GPAT3: variants seen among roughly 807,000 people sequenced by gnomAD.
GPAT3 encodes the protein glycerol-3-phosphate acyltransferase 3, also known as 1-AGP acyltransferase 9.
In GPAT3, 53 loss-of-function variants were observed where a neutral mutation model predicts 58.8. The ratio of observed to expected loss-of-function variants is 0.90; its 90% CI spans 0.72 to 1.13. The LOEUF (loss-of-function observed/expected upper bound fraction) is 1.13, where lower values mean the gene tolerates loss of function less well. Among genes scored for constraint, GPAT3 ranks in the 50% most tolerant of loss-of-function variants. The probability of loss-of-function intolerance (pLI) is 0.00; values close to 1 mark genes in which losing one functional copy is unlikely to be tolerated. For synonymous variants in GPAT3, 197 were observed against 187.4 expected, an observed-to-expected ratio of 1.05 and a Z score of -0.42; for missense variants, 511 against 527.6, an observed-to-expected ratio of 0.97 and a Z score of 0.31.
At chr4:83,559,138 G>T (rs552860742) in intron 2 of GPAT3, among the ~76,000 whole-genome samples, 1 of 152,114 alleles carries the variant, frequency 6.6e-6, no homozygotes, top group South Asian at 2.1e-4. Flanking sequence ...TTTTGGGAGA[G>T]GTATAAGTTA....
intron 7 of GPAT3, among the ~76,000 whole-genome samples, chr4:83,596,063 A>G (rs1457642992): frequency 6.6e-6 from 1 of 152,248 alleles, no homozygotes; most frequent in Non-Finnish European, 1.5e-5. Context: ...AGGACAGGAC[A>G]TAAGCCTGGA....
intron 2 of GPAT3, among the ~76,000 whole-genome samples, chr4:83,570,060 T>C (rs1465006561): frequency 6.6e-6 from 1 of 152,214 alleles, no homozygotes; most frequent in African/African-American, 2.4e-5. Context: ...TGGTGTTGTA[T>C]TGACGAGAAA....
chr4:83,578,262 T>C (rs1403766775), intron 2 of GPAT3, among the ~76,000 whole-genome samples: 1 of 152,240 alleles, frequency 6.6e-6, no homozygotes, highest in Admixed American at 6.5e-5. Flanking sequence ...TTGTATGTCT[T>C]AATATATTCT....
chr4:83,550,655 A>G (rs1398079184), intron 2 of GPAT3, among the ~76,000 whole-genome samples: 1 of 152,218 alleles, frequency 6.6e-6, no homozygotes, highest in Non-Finnish European at 1.5e-5. Flanking sequence ...TAATTTCTTA[A>G]TATCATCTAA....
upstream of GPAT3, chr4:83,535,847 A>G: frequency 1.0e-6 from 1 of 985,472 alleles, no homozygotes; most frequent in Non-Finnish European, 1.2e-6. Context: ...CCACACAAAC[A>G]AGACCTCAAG....
chr4:83,581,507 T>C lies in GPAT3; in HGVS notation c.209-55T>C, dbSNP rs566272887. ...TTCTACACAGTTAAAGTTGCCCTTT[T>C]GGTCAATTCTTCTGTCGTATGGCAT... is the stretch of plus-strand genomic sequence containing the variant. On this transcript the variant is annotated intron_variant, in intron 2 of 11. Coordinates refer to ENST00000264409, the MANE Select transcript of GPAT3 (RefSeq NM_032717.5). 4 of 1,555,940 alleles carry C rather than the reference T, an allele frequency of 2.6e-6. No individual in the cohort carries two copies. In the African/African-American group the frequency reaches 5.5e-5, roughly 21 times the overall value.
intron 2 of GPAT3, among the ~76,000 whole-genome samples, chr4:83,578,647 T>C: frequency 6.6e-6 from 1 of 152,228 alleles, no homozygotes. Context: ...ACTGTTGCAC[T>C]GCTAAATACT....
rs534708970 is a variant in GPAT3 at position 83,592,153 on chromosome 4, C to A, written c.738+1861C>A. 8.9e-4 allele frequency among the ~76,000 whole-genome samples: 136 copies of A among 152,296 alleles called. 1 individual carries two copies. The highest frequency in any genetic ancestry group is 2.5e-3 in the African/African-American group (104 of 41,566). On this transcript the variant is annotated intron_variant, in intron 6 of 11. Transcript: ENST00000264409. ...CATATTCCTCCTGTATTCTGGTCAA[C>A]AAAGAGTTGAGTATAACCCATTTGT...
rs533030077 is a variant in GPAT3, at chr4:83,543,648, G to GT, written c.142-881dup. On this transcript the variant is annotated intron_variant, in intron 1 of 11. Coordinates refer to ENST00000264409, the MANE Select transcript of GPAT3 (RefSeq NM_032717.5). The stretch of plus-strand genomic sequence containing the variant: ...GATTTCTTTTTCATTCTTTTTTTTT[G>GT]TTTTTTTGTTTTTTTGAGAGAGTCT... Among the ~76,000 whole-genome samples, 62 of 149,946 alleles carry GT rather than the reference G, an allele frequency of 4.1e-4. 1 individual carries two copies. Among genetic ancestry groups the GT allele is most frequent in the Middle Eastern group, 6.8e-3 (2 of 294 alleles).
chr4:83,580,474 A>G (rs1017593784), intron 2 of GPAT3, among the ~76,000 whole-genome samples: 2 of 152,174 alleles, frequency 1.3e-5, no homozygotes, highest in Non-Finnish European at 1.5e-5. Context: ...CTACATTTCT[A>G]ATTATTTTCT....
intron 3 of GPAT3, among the ~76,000 whole-genome samples, chr4:83,585,445 T>C (rs999814741): frequency 6.6e-6 from 1 of 151,554 alleles, no homozygotes; most frequent in African/African-American, 2.4e-5. Context: ...ACTGTATTTT[T>C]AAATAAAAAT....
intron 2 of GPAT3, among the ~76,000 whole-genome samples, chr4:83,575,866 A>T (rs1297561174): frequency 6.6e-6 from 1 of 152,204 alleles, no homozygotes; most frequent in Admixed American, 6.5e-5. Flanking sequence ...GTTATATCAC[A>T]TGTGTACTTG....
intron 2 of GPAT3, among the ~76,000 whole-genome samples, chr4:83,574,923 C>T (rs1474134913): frequency 8.2e-5 from 12 of 145,504 alleles, no homozygotes; most frequent in East Asian, 4.0e-4. Flanking sequence ...TCGCCCAGGC[C>T]GGAGTGCAGT....
intron 2 of GPAT3, among the ~76,000 whole-genome samples, chr4:83,569,660 C>T (rs1245887263): frequency 1.3e-5 from 2 of 152,192 alleles, no homozygotes; most frequent in East Asian, 1.9e-4. Context: ...GAGGGCAGAA[C>T]GGTCTCCTTG....
chr4:83,591,998 A>G (rs541874670), intron 6 of GPAT3, among the ~76,000 whole-genome samples: 1 of 152,260 alleles, frequency 6.6e-6, no homozygotes, highest in Non-Finnish European at 1.5e-5. Flanking sequence ...TCCCAGAGCC[A>G]TTTTATAAGG....
At chr4:83,578,840 A>T (rs1725914173) in intron 2 of GPAT3, among the ~76,000 whole-genome samples, 1 of 151,404 alleles carries the variant, frequency 6.6e-6, no homozygotes, top group Non-Finnish European at 1.5e-5. Context: ...CCTAATAATC[A>T]TTCAAGAACT....
intron 7 of GPAT3, 110 bp downstream of exon 7, chr4:83,595,070 G>A: frequency 2.3e-6 from 2 of 875,828 alleles, no homozygotes; most frequent in East Asian, 5.2e-5. Context: ...CTGAAACAGA[G>A]CCCTGTTTGC....
At chr4:83,558,332 C>T (rs568921955) in intron 2 of GPAT3, among the ~76,000 whole-genome samples, 1 of 152,130 alleles carries the variant, frequency 6.6e-6, no homozygotes, top group South Asian at 2.1e-4. Flanking sequence ...AAAAACTGGG[C>T]TGGGTTACGT....
At chr4:83,551,163 T>C (rs1188354246) in intron 2 of GPAT3, among the ~76,000 whole-genome samples, 2 of 152,142 alleles carry the variant, frequency 1.3e-5, no homozygotes, top group African/African-American at 4.8e-5. Flanking sequence ...CCAGTGAAAA[T>C]GTGGAGACAA....
Sources: allele counts gnomAD v4.1 joint callset (sites outside exome capture counted in the v4.1 genomes callset), GRCh38; gene constraint gnomAD v4.1.1; transcripts MANE v1.5; gene names NCBI Gene and HGNC (gene_info 2026-07-23, HGNC 2026-07-21).